The following CTNNA3 variants were observed in gnomAD, a reference collection of about 807,000 sequenced individuals.
CTNNA3 encodes catenin alpha-3.
A neutral mutation model predicts 95.7 loss-of-function variants in CTNNA3; 76 were observed. The observed-to-expected ratio is 0.79, with a 90% confidence interval of 0.66 to 0.96. The LOEUF is 0.96. CTNNA3 is among the 40% of genes least tolerant of loss of function. The pLI, the probability that CTNNA3 is intolerant of heterozygous loss-of-function variation, is 0.00. For synonymous variants in CTNNA3, 431 were observed against 374.4 expected (o/e 1.15, Z -1.74); for missense variants, 1,191 against 1,089.8 (o/e 1.09, Z -1.31).
intron 5 of CTNNA3, among the ~76,000 whole-genome samples, chr10:67,273,164 A>G (rs1839054644): frequency 6.6e-6 from 1 of 152,170 alleles, no homozygotes. Context: ...AAATAATTAT[A>G]TCTATTTCCC....
chr10:67,366,470 G>A (rs963267376), intron 5 of CTNNA3, among the ~76,000 whole-genome samples: 1 of 152,008 alleles, frequency 6.6e-6, no homozygotes, highest in African/African-American at 2.4e-5. Flanking sequence ...GTGAAACCCC[G>A]TCTCTACTAA....
chr10:66,921,685 C>T (rs1246268211), intron 7 of CTNNA3, among the ~76,000 whole-genome samples: 1 of 152,198 alleles, frequency 6.6e-6, no homozygotes, highest in East Asian at 1.9e-4. Context: ...CCTAACCATC[C>T]TATTTAAAAC....
intron 7 of CTNNA3, among the ~76,000 whole-genome samples, chr10:66,920,080 G>A (rs1458598617): frequency 6.6e-6 from 1 of 152,138 alleles, no homozygotes; most frequent in Admixed American, 6.5e-5. Context: ...GCATGTCCTT[G>A]GTCATGTTCA....
intron 7 of CTNNA3, among the ~76,000 whole-genome samples, chr10:67,166,329 A>T (rs1299407552): frequency 1.3e-5 from 2 of 152,216 alleles, no homozygotes; most frequent in Non-Finnish European, 1.5e-5. Context: ...ATTAAAATGG[A>T]ATTCTGCAAG....
At chr10:66,818,500 T>G (rs141835592) in intron 7 of CTNNA3, among the ~76,000 whole-genome samples, 158 of 152,056 alleles carry the variant, frequency 1.0e-3, no homozygotes, top group African/African-American at 3.4e-3. Context: ...AAATTAAAAT[T>G]CCACGTACAA....
intron 12 of CTNNA3, among the ~76,000 whole-genome samples, chr10:66,311,832 G>C (rs1370711374): frequency 6.6e-6 from 1 of 152,102 alleles, no homozygotes; most frequent in Non-Finnish European, 1.5e-5. Flanking sequence ...GGGAATTTCA[G>C]GGTCCTGATT....
At chr10:66,611,981 A>G (rs150832053) in intron 10 of CTNNA3, among the ~76,000 whole-genome samples, 2 of 152,140 alleles carry the variant, frequency 1.3e-5, no homozygotes, top group East Asian at 3.9e-4. Context: ...ATTTTCTATC[A>G]TCTCAACCTG....
intron 14 of CTNNA3, among the ~76,000 whole-genome samples, chr10:66,077,512 C>A (rs182580675): frequency 7.9e-4 from 120 of 151,886 alleles, no homozygotes; most frequent in African/African-American, 2.8e-3. Flanking sequence ...GCAGTCCATG[C>A]ACATTTTACC....
In CTNNA3 at chr10:66,482,666, G is replaced by A. The variant is rs934764585; in HGVS notation, c.1531+37951C>T. On this transcript the variant is annotated intron_variant, in intron 11 of 17. Coordinates refer to ENST00000433211, the MANE Select transcript of CTNNA3 (RefSeq NM_013266.4). ...TAAATATATATGTGTGTTCTTGTCT[G>A]AACATTTTTCACAGGAAAATGGACA... is the stretch of plus-strand genomic sequence containing the variant. Among the ~76,000 whole-genome samples the A allele has an allele frequency of 5.3e-5, 8 of 152,112 alleles. No individual in the cohort carries two copies. In the East Asian group the frequency reaches 9.7e-4, roughly 18 times the overall value.
chr10:67,584,554 C>G (rs573126973), intron 3 of CTNNA3, among the ~76,000 whole-genome samples: 12 of 152,304 alleles, frequency 7.9e-5, no homozygotes, highest in African/African-American at 2.9e-4. Context: ...ATTCTCAGAT[C>G]TCAAACTCTG....
chr10:66,431,044 A>T (rs1463431272), intron 11 of CTNNA3, among the ~76,000 whole-genome samples: 1 of 144,074 alleles, frequency 6.9e-6, no homozygotes, highest in Non-Finnish European at 1.5e-5. Context: ...AAAGAACTCA[A>T]ATTTACAAGA....
intron 2 of CTNNA3, among the ~76,000 whole-genome samples, chr10:67,621,758 A>AG (rs1469512816): frequency 6.7e-6 from 1 of 149,022 alleles, no homozygotes; most frequent in Non-Finnish European, 1.5e-5. Flanking sequence ...CAAAAAAAAA[A>AG]AAAAGAAAAG....
chr10:66,066,692 T>G (rs536842161), intron 15 of CTNNA3, among the ~76,000 whole-genome samples: 3 of 152,326 alleles, frequency 2.0e-5, no homozygotes, highest in South Asian at 4.1e-4. Flanking sequence ...CACTTTCCAA[T>G]GAAATCTTCA....
rs1438955704 is a variant in CTNNA3, at chr10:65,916,846, T to C, written c.*3484A>G. On this transcript the variant is annotated 3_prime_UTR_variant, in exon 18 of 18. Coordinates refer to ENST00000433211, the MANE Select transcript of CTNNA3 (RefSeq NM_013266.4). The stretch of plus-strand genomic sequence containing the variant: ...AGAGGTGGGTGAGATGAGAACACCC[T>C]CAAAATGAAGGTTCAGGAAGCCGTT... 6.6e-6 allele frequency: 1 copy of C among 152,100 alleles called. No homozygotes were observed. Among genetic ancestry groups the C allele is most frequent in the Non-Finnish European group, 1.5e-5 (1 of 68,014 alleles). The allele number at this position is 152,100 out of a possible 1,614,324, so 9.4% of individuals were successfully genotyped here.
intron 7 of CTNNA3, among the ~76,000 whole-genome samples, chr10:66,887,812 T>C (rs1268150717): frequency 2.6e-5 from 4 of 152,108 alleles, no homozygotes; most frequent in Non-Finnish European, 5.9e-5. Context: ...GCCCAGGAAA[T>C]GCAAATTCTC....
At chr10:67,132,442 G>C (rs888790658) in intron 7 of CTNNA3, among the ~76,000 whole-genome samples, 1 of 152,058 alleles carries the variant, frequency 6.6e-6, no homozygotes, top group African/African-American at 2.4e-5. Flanking sequence ...CCAGGGAGAT[G>C]AAAGAGAAAG....
intron 7 of CTNNA3, among the ~76,000 whole-genome samples, chr10:66,821,306 T>A (rs1359725499): frequency 6.6e-6 from 1 of 152,332 alleles, no homozygotes; most frequent in East Asian, 1.9e-4. Context: ...GTCAAATTAT[T>A]TCCAAATGTA....
At chr10:66,709,112 C>T (rs1321655604) in intron 9 of CTNNA3, among the ~76,000 whole-genome samples, 1 of 152,060 alleles carries the variant, frequency 6.6e-6, no homozygotes, top group Non-Finnish European at 1.5e-5. Context: ...TTCATAAACA[C>T]AGCAGCAGAA....
At chr10:66,423,406 G>C (rs986031124) in intron 11 of CTNNA3, among the ~76,000 whole-genome samples, 2 of 152,112 alleles carry the variant, frequency 1.3e-5, no homozygotes, top group Non-Finnish European at 2.9e-5. Flanking sequence ...GAATTTGACA[G>C]AGCAGGAGCA....
Sources: allele counts gnomAD v4.1 joint callset (sites outside exome capture counted in the v4.1 genomes callset), GRCh38; gene constraint gnomAD v4.1.1; transcripts MANE v1.5; gene names NCBI Gene and HGNC (gene_info 2026-07-23, HGNC 2026-07-21).